IQCK: variants seen among roughly 807,000 people sequenced by gnomAD.
IQCK encodes IQ motif containing K, also known as IQ domain-containing protein K.
A neutral mutation model predicts 28.1 loss-of-function variants in IQCK; 29 were observed. That is an observed-to-expected ratio of 1.03 (90% CI 0.77 to 1.41). The LOEUF is 1.41. Ranked by LOEUF, IQCK falls within the 40% of genes most tolerant of loss-of-function variation. The pLI is 0.00. For missense variants in IQCK, 359 were observed against 314.7 expected, an observed-to-expected ratio of 1.14 and a Z score of -1.07; for synonymous variants, 113 against 115.1, an observed-to-expected ratio of 0.98 and a Z score of 0.12.
intron 1 of IQCK, among the ~76,000 whole-genome samples, chr16:19,719,365 T>C (rs1180201941): frequency 6.6e-6 from 1 of 152,022 alleles, no homozygotes; most frequent in East Asian, 1.9e-4. Context: ...TTTTCATTCG[T>C]GTGGCCACCA....
chr16:19,805,250 C>A (rs976927830), intron 7 of IQCK, among the ~76,000 whole-genome samples: 1 of 152,058 alleles, frequency 6.6e-6, no homozygotes, highest in Non-Finnish European at 1.5e-5. Flanking sequence ...GAATGGCCAG[C>A]AGCTTGGTGT....
At position 19,793,656 on chromosome 16, in the gene IQCK, T is replaced by TG. The variant is rs1567559599; in HGVS notation, c.690+4734_690+4735insG. ...AATCTCAGTTGGGTTTTTTTTTTTTTTTTTTTTTTTTTTTTTTGTGAAATT... is the reference window on the plus strand; with the variant it reads ...AATCTCAGTTGGGTTTTTTTTTTTTTGTTTTTTTTTTTTTTTTTGTGAAATT... On this transcript the variant is annotated intron_variant, in intron 7 of 7. Coordinates refer to ENST00000564186, the Ensembl canonical transcript of IQCK. Among the ~76,000 whole-genome samples the TG allele has an allele frequency of 4.6e-5, 6 of 130,146 alleles. 1 individual carries two copies. Among genetic ancestry groups the TG allele is most frequent in the African/African-American group, 1.4e-4 (4 of 29,138 alleles). The allele number at this position is 130,146 out of a possible 152,430, so 85.4% of individuals were successfully genotyped here. A position where few individuals can be genotyped will look rare whatever the true frequency, so the allele number is the denominator to read the frequency against.
intron 4 of IQCK, among the ~76,000 whole-genome samples, chr16:19,741,183 T>C (rs1039524086): frequency 2.0e-5 from 3 of 152,026 alleles, no homozygotes; most frequent in Admixed American, 6.5e-5. Flanking sequence ...CTTGTGTCTG[T>C]TTTTTTCACT....
intron 1 of IQCK, among the ~76,000 whole-genome samples, chr16:19,728,707 A>G (rs1977735874): frequency 6.6e-6 from 1 of 152,246 alleles, no homozygotes; most frequent in Admixed American, 6.5e-5. Context: ...CAGGGGAATT[A>G]TGAGATAATA....
intron 4 of IQCK, among the ~76,000 whole-genome samples, chr16:19,752,827 G>A (rs9930596): frequency 6.6e-6 from 1 of 152,150 alleles, no homozygotes; most frequent in Non-Finnish European, 1.5e-5. Context: ...GCCTCCCAAA[G>A]TGTTGCGATT....
chr16:19,726,103 A>G (rs4780824), intron 1 of IQCK, among the ~76,000 whole-genome samples: 26,853 of 151,674 alleles, frequency 0.18, 2,521 homozygotes, highest in South Asian at 0.26. Context: ...TTTAGTAGAG[A>G]CGGGGTTTCA....
chr16:19,786,562 T>C (rs2055564316), intron 6 of IQCK, among the ~76,000 whole-genome samples: 1 of 130,902 alleles, frequency 7.6e-6, no homozygotes, highest in South Asian at 2.3e-4. Context: ...GGCCAGGCAT[T>C]GTGGCGTGCT....
chr16:19,799,220 A>G (rs1191751848), intron 7 of IQCK, among the ~76,000 whole-genome samples: 1 of 112,510 alleles, frequency 8.9e-6, no homozygotes, highest in African/African-American at 6.9e-5. Flanking sequence ...CCACACAAAG[A>G]TGTACCTCAC....
chr16:19,752,486 T>C (rs1454984624), intron 4 of IQCK, among the ~76,000 whole-genome samples: 1 of 152,206 alleles, frequency 6.6e-6, no homozygotes, highest in East Asian at 1.9e-4. Context: ...GTTAACTCTT[T>C]GAGGGCAGGT....
chr16:19,750,455 G>A (rs1343922528), intron 4 of IQCK, among the ~76,000 whole-genome samples: 2 of 149,466 alleles, frequency 1.3e-5, no homozygotes, highest in East Asian at 2.0e-4. Flanking sequence ...GTGTTTTTTT[G>A]TTTTGTTTGT....
chr16:19,732,225 C>T (rs78541655), intron 2 of IQCK, among the ~76,000 whole-genome samples: 3,144 of 152,324 alleles, frequency 0.021, 49 homozygotes, highest in Non-Finnish European at 0.032. Flanking sequence ...TAATGCTCTG[C>T]TAGTTACCTA....
At chr16:19,851,962 C>T (rs570668657) in intron 9 of IQCK, among the ~76,000 whole-genome samples, 1 of 152,304 alleles carries the variant, frequency 6.6e-6, no homozygotes, top group Non-Finnish European at 1.5e-5. Context: ...GAGATTTTAT[C>T]TCTTGCTTAA....
chr16:19,854,812 G>C (rs2056535146), intron 9 of IQCK, among the ~76,000 whole-genome samples: 1 of 152,198 alleles, frequency 6.6e-6, no homozygotes, highest in Non-Finnish European at 1.5e-5. Flanking sequence ...CTTTAGGGAG[G>C]TGTGGCGCAT....
chr16:19,764,979 G>C (rs552209046), intron 6 of IQCK, among the ~76,000 whole-genome samples: 1 of 142,648 alleles, frequency 7.0e-6, no homozygotes, highest in Admixed American at 6.9e-5. Context: ...GATTACAGGC[G>C]TGAGCCACCG....
At chr16:19,742,352 A>T (rs1484386577) in intron 4 of IQCK, among the ~76,000 whole-genome samples, 1 of 152,146 alleles carries the variant, frequency 6.6e-6, no homozygotes, top group African/African-American at 2.4e-5. Context: ...GATTCCCTCC[A>T]TGTTCCCCCG....
At chr16:19,845,519 A>G (rs933688077) in intron 9 of IQCK, among the ~76,000 whole-genome samples, 1 of 152,230 alleles carries the variant, frequency 6.6e-6, no homozygotes, top group African/African-American at 2.4e-5. Context: ...GAAGACACAG[A>G]ATTTCGAAGG....
Position 19,825,134 on chromosome 16 carries a change from C to T in IQCK, c.691-1892C>T, listed in dbSNP as rs534099198. On this transcript the variant is annotated intron_variant, in intron 7 of 7. Transcript: ENST00000564186. The surrounding 1 kb of genome is among the most constrained non-coding windows in gnomAD (Gnocchi z 4.2). ...GTTTTAATTCCAGCTCCACCATATC[C>T]AGTACGACTTGGCAAGCCACTAAAA... 2.6e-5 allele frequency among the ~76,000 whole-genome samples: 4 copies of T among 152,254 alleles called. No homozygotes were observed. Among genetic ancestry groups the T allele is most frequent in the African/African-American group, 7.2e-5 (3 of 41,532 alleles).
chr16:19,850,548 C>T (rs1048531151), intron 9 of IQCK, among the ~76,000 whole-genome samples: 8 of 152,150 alleles, frequency 5.3e-5, no homozygotes, highest in African/African-American at 1.9e-4. Context: ...CTCCTTGTAA[C>T]CCCAGGCCCC....
At chr16:19,828,433 C>A (rs2056181435), downstream of IQCK, among the ~76,000 whole-genome samples, 1 of 143,562 alleles carries the variant, frequency 7.0e-6, no homozygotes, top group Non-Finnish European at 1.5e-5. Context: ...AGGGTGTCAC[C>A]ATACATATCG....
Sources: gnomAD v4.1 joint callset for allele counts (sites outside exome capture counted in the v4.1 genomes callset) on GRCh38, gnomAD v4.1.1 for gene constraint, Gnocchi (gnomAD v3.1) non-coding constraint, MANE v1.5 for transcripts, NCBI Gene and HGNC (gene_info 2026-07-23, HGNC 2026-07-21) for gene names.